MUSK: variants seen among roughly 807,000 people sequenced by gnomAD.
The protein encoded by MUSK is muscle associated receptor tyrosine kinase.
Under a neutral mutation model 88.7 loss-of-function variants are expected in MUSK, and 55 were observed. The ratio of observed to expected loss-of-function variants is 0.62; its 90% CI spans 0.50 to 0.78. The LOEUF (loss-of-function observed/expected upper bound fraction) is 0.78. Ranked by LOEUF, MUSK falls within the 30% of genes least tolerant of loss-of-function variation. The pLI is 0.00. For missense variants in MUSK, 1,015 were observed against 1,074.3 expected, an observed-to-expected ratio of 0.94 and a Z score of 0.77; for synonymous variants, 387 against 391.9, an observed-to-expected ratio of 0.99 and a Z score of 0.15.
In MUSK at chr9:110,788,176, T is replaced by TTTC. The variant is rs2077907453; in HGVS notation, c.1927+340_1927+342dup. On this transcript the variant is annotated intron_variant, in intron 14 of 14. Coordinates refer to ENST00000374448, the MANE Select transcript of MUSK (RefSeq NM_005592.4). ...AAGTCTATATATTTTACTTATTTTG[T>TTTC]TTCTCCTCTTTCTTCCCTAACTAGA... 3 of 227,320 alleles carry TTTC rather than the reference T, an allele frequency of 1.3e-5. 1 individual carries two copies. In the South Asian group the frequency reaches 2.0e-4, roughly 15 times the overall value. 14.1% of individuals were successfully genotyped at this position (227,320 alleles called of 1,614,324 possible). A position where few individuals can be genotyped will look rare whatever the true frequency, so the allele number is the denominator to read the frequency against.
At chr9:110,791,151 C>A (rs1374007735) in intron 14 of MUSK, among the ~76,000 whole-genome samples, 10 of 151,734 alleles carry the variant, frequency 6.6e-5, no homozygotes, top group Admixed American at 2.0e-4. Flanking sequence ...CAGCTCCCAG[C>A]GTGAGCGACG....
At chr9:110,791,253 C>T (rs1229234814) in intron 14 of MUSK, among the ~76,000 whole-genome samples, 3 of 143,484 alleles carry the variant, frequency 2.1e-5, no homozygotes, top group Non-Finnish European at 3.0e-5. Context: ...AGTGTGTGTG[C>T]GCACCGTGCG....
intron 8 of MUSK, 56 bp downstream of exon 8, chr9:110,762,264 G>A (rs949643968): frequency 5.3e-6 from 7 of 1,325,130 alleles, no homozygotes; most frequent in Admixed American, 2.5e-5. Flanking sequence ...TAGGGATTTC[G>A]TTTGTTTGTT....
chr9:110,754,025 C>T (rs911407289), intron 7 of MUSK, among the ~76,000 whole-genome samples: 14 of 152,202 alleles, frequency 9.2e-5, no homozygotes, highest in African/African-American at 3.1e-4. Flanking sequence ...ACGTAATTTG[C>T]TTTACCACTC....
rs2076147157 is a variant in MUSK at position 110,682,588 on chromosome 9, G to C, written c.80-86G>C. On this transcript the variant is annotated intron_variant, in intron 1 of 14. Coordinates refer to ENST00000374448, the MANE Select transcript of MUSK (RefSeq NM_005592.4). The stretch of plus-strand genomic sequence containing the variant: ...TCTGGGGAAACAGAATTCTCATTCA[G>C]GTATGTAATGGCTTCTGACTGCTTA... 6.8e-6 allele frequency: 9 copies of C among 1,315,426 alleles called. No homozygotes were observed. In the East Asian group the frequency reaches 2.1e-4, roughly 31 times the overall value. The allele number at this position is 1,315,426 out of a possible 1,614,324, so 81.5% of individuals were successfully genotyped here.
At chr9:110,692,327 T>TTTTA (rs1443268723) in intron 3 of MUSK, among the ~76,000 whole-genome samples, 1 of 151,962 alleles carries the variant, frequency 6.6e-6, no homozygotes, top group African/African-American at 2.4e-5. Context: ...ACCAGGCTAC[T>TTTTA]TTTATTTATT....
At chr9:110,699,519 A>G (rs1369909233) in intron 5 of MUSK, among the ~76,000 whole-genome samples, 1 of 152,202 alleles carries the variant, frequency 6.6e-6, no homozygotes, top group Non-Finnish European at 1.5e-5. Flanking sequence ...AAGCTCTGAA[A>G]GGTTGACTTC....
intron 6 of MUSK, among the ~76,000 whole-genome samples, chr9:110,741,846 C>T (rs2077104534): frequency 6.6e-6 from 1 of 152,016 alleles, no homozygotes; most frequent in Non-Finnish European, 1.5e-5. Context: ...TGTAAATGCC[C>T]CTCTTTAGTT....
intron 7 of MUSK, among the ~76,000 whole-genome samples, chr9:110,751,500 T>C (rs2077247341): frequency 1.3e-5 from 2 of 152,220 alleles, no homozygotes; most frequent in Non-Finnish European, 2.9e-5. Context: ...AAGATTGGCA[T>C]GTGGCAGCAG....
chr9:110,785,823 T>TAC (rs898368582), intron 13 of MUSK, 105 bp downstream of exon 13: 23 of 581,064 alleles, frequency 4.0e-5, no homozygotes, highest in South Asian at 1.7e-4. Flanking sequence ...TATATATATA[T>TAC]ACACACACAT....
At chr9:110,777,971 TAA>T (rs1240019619) in intron 11 of MUSK, among the ~76,000 whole-genome samples, 1 of 152,088 alleles carries the variant, frequency 6.6e-6, no homozygotes, top group Non-Finnish European at 1.5e-5. Context: ...CAATTATTAT[TAA>T]AAGAGTTGGC....
rs1409179830 is a variant in MUSK, at chr9:110,689,771, C to T, written c.358+2503C>T. ...TATATTATATATAAACTATATATAT[C>T]ACATATAGTTTATATATTTTTTAAT... On this transcript the variant is annotated intron_variant, in intron 3 of 14. Transcript: ENST00000374448. 8.7e-3 allele frequency among the ~76,000 whole-genome samples: 176 copies of T among 20,300 alleles called. 8 individuals are homozygous for T. Among genetic ancestry groups the T allele is most frequent in the Non-Finnish European group, 0.014 (148 of 10,826 alleles). 13.3% of individuals were successfully genotyped at this position (20,300 alleles called of 152,430 possible). A position where few individuals can be genotyped will look rare whatever the true frequency, so the allele number is the denominator to read the frequency against.
intron 7 of MUSK, among the ~76,000 whole-genome samples, chr9:110,755,156 A>G (rs1025243474): frequency 1.3e-5 from 2 of 152,160 alleles, no homozygotes; most frequent in African/African-American, 2.4e-5. Context: ...TGTTTCCTTC[A>G]TAGTCACTCC....
At chr9:110,675,178 G>GTATT (rs1564205076) in intron 1 of MUSK, among the ~76,000 whole-genome samples, 3 of 150,134 alleles carry the variant, frequency 2.0e-5, no homozygotes, top group African/African-American at 7.4e-5. Context: ...AAGTGATGGA[G>GTATT]CTGGGATGTG....
chr9:110,787,633 T>G, intron 13 of MUSK, 57 bp from the exon 14 acceptor site: 1 of 1,564,834 alleles, frequency 6.4e-7, no homozygotes. Flanking sequence ...TGTGGGTAGG[T>G]ATAAAGATAT....
intron 6 of MUSK, among the ~76,000 whole-genome samples, chr9:110,737,092 A>T (rs2077039263): frequency 6.6e-6 from 1 of 152,100 alleles, no homozygotes; most frequent in Non-Finnish European, 1.5e-5. Flanking sequence ...CTAAGGGTAA[A>T]TAAGATTTTC....
intron 11 of MUSK, among the ~76,000 whole-genome samples, chr9:110,779,058 C>CTGTATG (rs1554754520): frequency 2.7e-5 from 4 of 149,722 alleles, no homozygotes; most frequent in African/African-American, 9.8e-5. Context: ...GTCAGTGTCT[C>CTGTATG]TGTGTGTGTG....
chr9:110,732,350 A>G, intron 5 of MUSK, among the ~76,000 whole-genome samples: 1 of 151,974 alleles, frequency 6.6e-6, no homozygotes, highest in East Asian at 1.9e-4. Flanking sequence ...TGTAACCAGA[A>G]AACATTAGAA....
chr9:110,689,674 T>A (rs868021309), intron 3 of MUSK, among the ~76,000 whole-genome samples: 1 of 72,366 alleles, frequency 1.4e-5, no homozygotes, highest in Non-Finnish European at 2.3e-5. Context: ...CATAGTATAT[T>A]ATATATAACT....
Sources: allele counts gnomAD v4.1 joint callset (sites outside exome capture counted in the v4.1 genomes callset), GRCh38; gene constraint gnomAD v4.1.1; transcripts MANE v1.5; gene names NCBI Gene and HGNC (gene_info 2026-07-23, HGNC 2026-07-21).